Variants in XKR4 observed in about 807,000 individuals in gnomAD.
XKR4 encodes XK related 4.
A neutral mutation model predicts 53.9 loss-of-function variants in XKR4; 12 were observed. That is an observed-to-expected ratio of 0.22 (90% confidence interval 0.14 to 0.36). The LOEUF (loss-of-function observed/expected upper bound fraction) is 0.36. XKR4 is among the 10% of genes least tolerant of loss of function. XKR4 has a pLI of 1.00. For synonymous variants in XKR4, 354 were observed against 362.4 expected (o/e 0.98, Z 0.26); for missense variants, 799 against 859.5 (o/e 0.93, Z 0.88).
At chr8:55,163,121 C>G (rs1423196797) in intron 1 of XKR4, among the ~76,000 whole-genome samples, 1 of 152,176 alleles carries the variant, frequency 6.6e-6, no homozygotes, top group African/African-American at 2.4e-5. Flanking sequence ...ATGTCTCTCT[C>G]CCTAAAATAA....
chr8:55,485,658 G>A (rs1387295674), intron 2 of XKR4, among the ~76,000 whole-genome samples: 6 of 152,000 alleles, frequency 3.9e-5, no homozygotes, highest in Non-Finnish European at 5.9e-5. Context: ...CTTGGCCTCC[G>A]AAAGTGCTGG....
rs1027263525 is a variant in XKR4, at chr8:55,534,413, G to T, written c.*10186G>T. On this transcript the variant is annotated 3_prime_UTR_variant, in exon 3 of 3. Coordinates refer to ENST00000327381, the MANE Select transcript of XKR4 (RefSeq NM_052898.2). ...TTTTGAGACAGAGTCTCGCTCTGTC[G>T]CAGGGGCTGGAGTGCAGTGGCACAA... 9.0e-6 allele frequency: 1 copy of T among 110,994 alleles called. No individual in the cohort carries two copies. Among genetic ancestry groups the T allele is most frequent in the Non-Finnish European group, 1.7e-5 (1 of 59,774 alleles). The allele number at this position is 110,994 out of a possible 1,614,324, so 6.9% of individuals were successfully genotyped here. A position where few individuals can be genotyped will look rare whatever the true frequency, so the allele number is the denominator to read the frequency against.
intron 1 of XKR4, among the ~76,000 whole-genome samples, chr8:55,218,514 A>T (rs1046495777): frequency 6.6e-6 from 1 of 152,250 alleles, no homozygotes; most frequent in African/African-American, 2.4e-5. Context: ...AATTACCACC[A>T]GAATTAAATT....
At chr8:55,304,117 C>T (rs1819251892) in intron 1 of XKR4, among the ~76,000 whole-genome samples, 1 of 152,136 alleles carries the variant, frequency 6.6e-6, no homozygotes, top group African/African-American at 2.4e-5. Flanking sequence ...ATCTTTCCTG[C>T]TTTCTCTTGT....
intron 1 of XKR4, among the ~76,000 whole-genome samples, chr8:55,219,144 G>A (rs1817846964): frequency 6.6e-6 from 1 of 152,154 alleles, no homozygotes; most frequent in Admixed American, 6.5e-5. Context: ...CAGGTGCTCA[G>A]TTCTCATCAT....
At chr8:55,411,728 A>G (rs1483904639) in intron 2 of XKR4, among the ~76,000 whole-genome samples, 1 of 152,088 alleles carries the variant, frequency 6.6e-6, no homozygotes, top group Admixed American at 6.5e-5. Context: ...GTGCAGTGGA[A>G]TTCGCGAGAG....
intron 2 of XKR4, among the ~76,000 whole-genome samples, chr8:55,383,096 C>A (rs776704493): frequency 1.3e-5 from 2 of 152,032 alleles, no homozygotes; most frequent in Non-Finnish European, 2.9e-5. Context: ...TCCTGTAATC[C>A]CAGCTACTCA....
At chr8:55,501,791 G>A (rs1767798861) in intron 2 of XKR4, among the ~76,000 whole-genome samples, 1 of 151,926 alleles carries the variant, frequency 6.6e-6, no homozygotes, top group African/African-American at 2.4e-5. Context: ...TATGAACATG[G>A]GTGAACAAAT....
chr8:55,369,346 A>G (rs1804036078), intron 2 of XKR4, among the ~76,000 whole-genome samples: 1 of 116,406 alleles, frequency 8.6e-6, no homozygotes, highest in East Asian at 2.9e-4. Flanking sequence ...TGATGCTGAG[A>G]AAGGAAAGGG....
chr8:55,136,540 A>G (rs879903874), intron 1 of XKR4, among the ~76,000 whole-genome samples: 6 of 152,232 alleles, frequency 3.9e-5, no homozygotes, highest in Admixed American at 2.6e-4. Context: ...CGCTCCACGA[A>G]TAGTCTAAAT....
chr8:55,358,909 T>C (rs906979886), intron 2 of XKR4, among the ~76,000 whole-genome samples: 9 of 152,226 alleles, frequency 5.9e-5, no homozygotes, highest in African/African-American at 2.2e-4. Flanking sequence ...CATGCTAGTT[T>C]AAGCTGAGTG....
At position 55,533,464 on chromosome 8, in the gene XKR4, T is replaced by C. The variant is rs1293020559; in HGVS notation, c.*9237T>C. The C allele has an allele frequency of 2.0e-5, 3 of 152,190 alleles. No individual in the cohort carries two copies. Among genetic ancestry groups the C allele is most frequent in the Non-Finnish European group, 4.4e-5 (3 of 68,032 alleles). 9.4% of individuals were successfully genotyped at this position (152,190 alleles called of 1,614,324 possible). ...AAAGAGGAAATGGATTTCTGAAATA[T>C]ATTTTGAAAGCCTGGGGTGAAACAT... On this transcript the variant is annotated 3_prime_UTR_variant, in exon 3 of 3. Coordinates refer to ENST00000327381, the MANE Select transcript of XKR4 (RefSeq NM_052898.2).
intron 1 of XKR4, among the ~76,000 whole-genome samples, chr8:55,136,098 TG>T (rs1816625333): frequency 6.6e-6 from 1 of 152,182 alleles, no homozygotes; most frequent in Non-Finnish European, 1.5e-5. Context: ...TTCACCATGT[TG>T]GCCAGGCTGG....
At chr8:55,493,786 C>T (rs968523933) in intron 2 of XKR4, among the ~76,000 whole-genome samples, 1 of 152,236 alleles carries the variant, frequency 6.6e-6, no homozygotes, top group Non-Finnish European at 1.5e-5. Flanking sequence ...AATAGTGCTA[C>T]CCATCCACAC....
chr8:55,284,204 G>A (rs1254108325), intron 1 of XKR4, among the ~76,000 whole-genome samples: 1 of 152,082 alleles, frequency 6.6e-6, no homozygotes, highest in Non-Finnish European at 1.5e-5. Flanking sequence ...AGAAAATACA[G>A]AAATTATATC....
At chr8:55,165,223 T>G (rs1281262935) in intron 1 of XKR4, among the ~76,000 whole-genome samples, 1 of 152,120 alleles carries the variant, frequency 6.6e-6, no homozygotes, top group African/African-American at 2.4e-5. Flanking sequence ...ACTAATGACA[T>G]GTTAGAGGTG....
intron 2 of XKR4, among the ~76,000 whole-genome samples, chr8:55,384,591 C>T (rs1301189234): frequency 1.3e-5 from 2 of 152,110 alleles, no homozygotes; most frequent in African/African-American, 2.4e-5. Context: ...TGTTTTTAAC[C>T]GAATCATTGG....
chr8:55,267,340 G>T (rs1461919631), intron 1 of XKR4, among the ~76,000 whole-genome samples: 2 of 152,190 alleles, frequency 1.3e-5, no homozygotes, highest in Non-Finnish European at 1.5e-5. Flanking sequence ...AGGCTGTAAA[G>T]AATGTCTGCA....
At chr8:55,431,367 G>T (rs78600020) in intron 2 of XKR4, among the ~76,000 whole-genome samples, 2,389 of 152,196 alleles carry the variant, frequency 0.016, 49 homozygotes, top group African/African-American at 0.053. Context: ...CATTGAATGA[G>T]AATTTATTTC....
Sources: allele counts gnomAD v4.1 joint callset (sites outside exome capture counted in the v4.1 genomes callset), GRCh38; gene constraint gnomAD v4.1.1; transcripts MANE v1.5; gene names NCBI Gene and HGNC (gene_info 2026-07-23, HGNC 2026-07-21).